Variants in SLC12A5 observed in about 807,000 individuals in gnomAD.
SLC12A5 encodes solute carrier family 12 member 5, also known as K-Cl cotransporter 2.
In SLC12A5, 18 loss-of-function variants were observed where a neutral mutation model predicts 124.0. The ratio of observed to expected loss-of-function variants is 0.15; its 90% CI spans 0.10 to 0.22. The LOEUF is 0.22. Among genes scored for constraint, SLC12A5 ranks in the 10% least tolerant of loss-of-function variants. The probability of loss-of-function intolerance (pLI) is 1.00; values close to 1 mark genes in which losing one functional copy is unlikely to be tolerated. For missense variants in SLC12A5, 867 were observed against 1,478.7 expected (o/e 0.59, Z 6.78); for synonymous variants, 589 against 568.0 (o/e 1.04, Z -0.53).
At chr20:46,039,184 A>G (rs1355668591) in intron 6 of SLC12A5, among the ~76,000 whole-genome samples, 1 of 152,212 alleles carries the variant, frequency 6.6e-6, no homozygotes, top group Non-Finnish European at 1.5e-5. Context: ...CTTTGTATAT[A>G]TTATTTGCAG....
chr20:46,039,603 C>A (rs577279059), intron 6 of SLC12A5, among the ~76,000 whole-genome samples: 1 of 152,004 alleles, frequency 6.6e-6, no homozygotes, highest in Non-Finnish European at 1.5e-5. Context: ...GGTGAAACCC[C>A]GTCTCTACTA....
intron 15 of SLC12A5, 120 bp from the exon 16 acceptor site, chr20:46,047,861 C>A: frequency 3.0e-6 from 3 of 991,590 alleles, no homozygotes; most frequent in South Asian, 1.6e-5. Flanking sequence ...AGGAGTGATA[C>A]ACATGTCCTT....
chr20:46,024,483 T>C (rs976207952), upstream of SLC12A5, among the ~76,000 whole-genome samples: 1 of 152,206 alleles, frequency 6.6e-6, no homozygotes, highest in African/African-American at 2.4e-5. Flanking sequence ...ATCTTTCCCA[T>C]AGCTGTTCTT....
chr20:46,030,973 G>T (rs879711109), intron 1 of SLC12A5, among the ~76,000 whole-genome samples: 1 of 152,268 alleles, frequency 6.6e-6, no homozygotes, highest in South Asian at 2.1e-4. Flanking sequence ...AGGGGGAGGG[G>T]GTTTGGCAAA....
At chr20:46,046,141 TAGAG>T (rs2145495043) in intron 13 of SLC12A5, 145 bp downstream of exon 13, 3 of 890,270 alleles carry the variant, frequency 3.4e-6, no homozygotes, top group Non-Finnish European at 5.5e-6. Flanking sequence ...TCGTTTGTTA[TAGAG>T]AGATTCATCC....
chr20:46,057,636 C>T lies in SLC12A5; in HGVS notation c.*31C>T. On this transcript the variant is annotated 3_prime_UTR_variant, in exon 26 of 26. Coordinates refer to ENST00000243964, the MANE Select transcript of SLC12A5 (RefSeq NM_020708.5). The surrounding 1 kb of genome is among the most constrained non-coding windows in gnomAD (Gnocchi z 7.1). ...AGGACCTGCCACCCGGGCCCGAGCGCGCCCGGCCCGCGGCTCCGGAGCCCT... is the reference window on the plus strand; with the variant it reads ...AGGACCTGCCACCCGGGCCCGAGCGTGCCCGGCCCGCGGCTCCGGAGCCCT... The T allele has an allele frequency of 6.4e-7, 1 of 1,564,016 alleles. No individual in the cohort carries two copies. The highest frequency in any genetic ancestry group is 8.7e-7 in the Non-Finnish European group (1 of 1,144,126).
Position 46,058,247 on chromosome 20 carries a change from A to C in SLC12A5, c.*642A>C. ...ACTGCGGGGAGGCGAGGCCTCGGGA[A>C]GCTGAATTTTCCTTGACGTCCAAGA... On this transcript the variant is annotated 3_prime_UTR_variant, in exon 26 of 26. Transcript: ENST00000243964. The surrounding 1 kb of genome is among the most constrained non-coding windows in gnomAD (Gnocchi z 5.8). 1 of 381,082 alleles carries C rather than the reference A, an allele frequency of 2.6e-6. No homozygotes were observed. The highest frequency in any genetic ancestry group is 3.8e-5 in the East Asian group (1 of 26,374). 23.6% of individuals were successfully genotyped at this position (381,082 alleles called of 1,614,324 possible).
Position 46,044,963 on chromosome 20 carries a change from C to T in SLC12A5, c.1395-3C>T, listed in dbSNP as rs760459724. On this transcript the variant is annotated splice_region_variant and splice_polypyrimidine_tract_variant and intron_variant, in intron 11 of 25. Coordinates refer to ENST00000243964, the MANE Select transcript of SLC12A5 (RefSeq NM_020708.5). The stretch of plus-strand genomic sequence containing the variant: ...CTGGCATCTCCTGTCCACATCATTC[C>T]AGGTTTGGCGAAGCTGTGAATGGCA... 8.1e-6 allele frequency: 13 copies of T among 1,614,080 alleles called. No homozygotes were observed. The Admixed American group carries it at 8.3e-5, about 10-fold the overall frequency.
In SLC12A5 at chr20:46,037,047, G is replaced by A. The variant is rs562873793; in HGVS notation, c.482-208G>A. 1.7e-3 allele frequency among the ~76,000 whole-genome samples: 253 copies of A among 152,158 alleles called. 1 individual carries two copies. Among genetic ancestry groups the A allele is most frequent in the African/African-American group, 5.8e-3 (242 of 41,500 alleles). ...TTTTCTGAGCCATGACCTCCTTAAAGGGGTAATTAGCAACATGGTAATTAG... is the reference window on the plus strand; with the variant it reads ...TTTTCTGAGCCATGACCTCCTTAAAAGGGTAATTAGCAACATGGTAATTAG... On this transcript the variant is annotated intron_variant, in intron 5 of 25. Coordinates refer to ENST00000243964, the MANE Select transcript of SLC12A5 (RefSeq NM_020708.5).
chr20:46,046,300 T>G, intron 13 of SLC12A5, 38 bp from the exon 14 acceptor site: 1 of 1,570,360 alleles, frequency 6.4e-7, no homozygotes, highest in Non-Finnish European at 8.8e-7. Flanking sequence ...TGCCTCCCTT[T>G]GCATCTCTGT....
Position 46,037,352 on chromosome 20 carries a change from C to T in SLC12A5, c.579C>T (p.Ala193=), listed in dbSNP as rs1163377449. The T allele has an allele frequency of 1.2e-6, 2 of 1,612,466 alleles. No individual in the cohort carries two copies. Among genetic ancestry groups the T allele is most frequent in the African/African-American group, 1.3e-5 (1 of 74,834 alleles). The change falls in exon 6 of 26, where the codon GCC becomes GCT. Residue 193 remains alanine (A), a synonymous_variant. Coordinates refer to ENST00000243964, the MANE Select transcript of SLC12A5 (RefSeq NM_020708.5). ...ACCTGGGCACTACCTTTGCAGGAGC[C>T]ATGTACATCCTGGGCACCATCGAAA... ...CFYLGTTFAG[A]MYILGTIEIL...
chr20:46,051,027 C>T (rs1164663451), intron 17 of SLC12A5, among the ~76,000 whole-genome samples: 1 of 152,118 alleles, frequency 6.6e-6, no homozygotes, highest in Non-Finnish European at 1.5e-5. Context: ...AGGAGTTGAA[C>T]TTCTATCTGT....
rs558091762 is a variant in SLC12A5 at position 46,044,730 on chromosome 20, G to A, written c.1395-236G>A. 5.7e-5 allele frequency: 31 copies of A among 546,184 alleles called. No homozygotes were observed. In the East Asian group the frequency reaches 9.5e-4, roughly 17 times the overall value. The allele number at this position is 546,184 out of a possible 1,614,324, so 33.8% of individuals were successfully genotyped here. ...TAAGGGAATGCAGTGGGGGACGTGG[G>A]GCTGGGACCTATGCTGGAGACAGGC... is the stretch of plus-strand genomic sequence containing the variant. On this transcript the variant is annotated intron_variant, in intron 11 of 25. Transcript: ENST00000243964.
chr20:46,021,981 C>T, intron 1 of SLC12A5: 4 of 1,047,634 alleles, frequency 3.8e-6, no homozygotes, highest in South Asian at 1.8e-5. Context: ...GGGCCAAGAC[C>T]GGGGGCGGGG....
rs2084542981 is a variant in SLC12A5, at chr20:46,041,162, A to AG, written c.855-166dup. On this transcript the variant is annotated intron_variant, in intron 7 of 25. Coordinates refer to ENST00000243964, the MANE Select transcript of SLC12A5 (RefSeq NM_020708.5). ...TTATTAGAATCACTTGGGGAGCTTA[A>AG]GAAAAAAAAAAAAAAGCCAATGGCC... The AG allele has an allele frequency of 7.4e-6, 4 of 539,206 alleles. No individual in the cohort carries two copies. The Admixed American group carries it at 1.1e-4, about 14-fold the overall frequency. 33.4% of individuals were successfully genotyped at this position (539,206 alleles called of 1,614,324 possible).
At position 46,049,829 on chromosome 20, in the gene SLC12A5, G is replaced by C. The variant is rs758146530; in HGVS notation, c.2181+39G>C. The C allele has an allele frequency of 2.0e-6, 3 of 1,529,012 alleles. No homozygotes were observed. In the African/African-American group the frequency reaches 4.1e-5, roughly 21 times the overall value. The allele number at this position is 1,529,012 out of a possible 1,614,324, so 94.7% of individuals were successfully genotyped here. A position where few individuals can be genotyped will look rare whatever the true frequency, so the allele number is the denominator to read the frequency against. On this transcript the variant is annotated intron_variant, in intron 17 of 25. Coordinates refer to ENST00000243964, the MANE Select transcript of SLC12A5 (RefSeq NM_020708.5). ...CTGGTTGGGCTTGGGAAAAGGTCAG[G>C]ACACTTAGGAAGACAGTCTCTATCC...
At chr20:46,031,426 G>A (rs2084448243) in intron 1 of SLC12A5, among the ~76,000 whole-genome samples, 1 of 152,126 alleles carries the variant, frequency 6.6e-6, no homozygotes, top group South Asian at 2.1e-4. Flanking sequence ...GTAGTAGGAG[G>A]TGCTAAGGAC....
chr20:46,035,603 G>T (rs2084491154), intron 3 of SLC12A5, 68 bp downstream of exon 3: 2 of 1,505,196 alleles, frequency 1.3e-6, no homozygotes, highest in African/African-American at 1.4e-5. Flanking sequence ...GATGGGGGAG[G>T]AAAATGGATT....
intron 10 of SLC12A5, 72 bp downstream of exon 10, chr20:46,043,803 T>C: frequency 3.1e-6 from 5 of 1,612,910 alleles, no homozygotes; most frequent in Non-Finnish European, 4.2e-6. Flanking sequence ...CTTGCTGCCT[T>C]ACCTGCTGGT....
Sources: gnomAD v4.1 joint callset for allele counts (sites outside exome capture counted in the v4.1 genomes callset) on GRCh38, gnomAD v4.1.1 for gene constraint, Gnocchi (gnomAD v3.1) non-coding constraint, MANE v1.5 for transcripts, NCBI Gene and HGNC (gene_info 2026-07-23, HGNC 2026-07-21) for gene names.